Variants in SIPA1L2 observed in about 807,000 individuals in gnomAD.
SIPA1L2 encodes the protein signal-induced proliferation-associated 1-like protein 2.
In SIPA1L2, 56 loss-of-function variants were observed where a neutral mutation model predicts 163.9. That is an observed-to-expected ratio of 0.34 (90% CI 0.28 to 0.43). SIPA1L2 has a LOEUF of 0.43. Ranked by LOEUF, SIPA1L2 falls within the 20% of genes least tolerant of loss-of-function variation. The pLI is 1.00. For synonymous variants in SIPA1L2, 877 were observed against 865.7 expected (o/e 1.01, Z -0.23); for missense variants, 1,974 against 2,193.5 (o/e 0.90, Z 2.00).
chr1:232,541,086 G>A (rs1657630030), intron 2 of SIPA1L2, among the ~76,000 whole-genome samples: 1 of 152,044 alleles, frequency 6.6e-6, no homozygotes, highest in Admixed American at 6.5e-5. Flanking sequence ...CACACACTGG[G>A]GCCAATGAGA....
intron 2 of SIPA1L2, among the ~76,000 whole-genome samples, chr1:232,565,797 T>C (rs942041330): frequency 7.2e-5 from 11 of 152,190 alleles, no homozygotes; most frequent in African/African-American, 2.7e-4. Context: ...CCTTAAGGTA[T>C]GAAGGGGACA....
At chr1:232,619,813 G>A (rs1662702211) in intron 1 of SIPA1L2, among the ~76,000 whole-genome samples, 1 of 152,194 alleles carries the variant, frequency 6.6e-6, no homozygotes, top group Non-Finnish European at 1.5e-5. Flanking sequence ...GTTAGACAAG[G>A]CCATGGAAGA....
intron 7 of SIPA1L2, among the ~76,000 whole-genome samples, chr1:232,474,960 A>G (rs1012920877): frequency 6.6e-6 from 1 of 152,196 alleles, no homozygotes; most frequent in Non-Finnish European, 1.5e-5. Flanking sequence ...TTTGCACCCA[A>G]TGCTGGGGGA....
intron 16 of SIPA1L2, among the ~76,000 whole-genome samples, chr1:232,431,689 C>A (rs763640193): frequency 1.3e-5 from 2 of 151,018 alleles, no homozygotes; most frequent in Non-Finnish European, 2.9e-5. Flanking sequence ...TGTCTCTTCA[C>A]AGAGGCATCA....
chr1:232,594,691 A>G (rs1661157903), intron 1 of SIPA1L2, among the ~76,000 whole-genome samples: 1 of 151,844 alleles, frequency 6.6e-6, no homozygotes, highest in South Asian at 2.1e-4. Flanking sequence ...CCTTGTTCCC[A>G]CCAAAGTTTT....
intron 2 of SIPA1L2, among the ~76,000 whole-genome samples, chr1:232,561,752 G>T (rs920176728): frequency 1.3e-5 from 2 of 152,192 alleles, no homozygotes; most frequent in African/African-American, 4.8e-5. Context: ...GCTTTGATGG[G>T]AATGGTCTTG....
At chr1:232,434,565 T>G (rs1237889572) in intron 15 of SIPA1L2, among the ~76,000 whole-genome samples, 1 of 152,004 alleles carries the variant, frequency 6.6e-6, no homozygotes, top group Non-Finnish European at 1.5e-5. Context: ...ATGACCAAGG[T>G]GACCTGAGGA....
At chr1:232,431,574 G>C (rs1427280428) in intron 16 of SIPA1L2, among the ~76,000 whole-genome samples, 1 of 152,164 alleles carries the variant, frequency 6.6e-6, no homozygotes, top group Non-Finnish European at 1.5e-5. Context: ...ACACAGACCT[G>C]ATCATTTAGC....
At chr1:232,593,873 C>T (rs535253876) in intron 1 of SIPA1L2, among the ~76,000 whole-genome samples, 143 of 152,320 alleles carry the variant, frequency 9.4e-4, no homozygotes, top group Non-Finnish European at 1.9e-3. Flanking sequence ...CTTTATACTC[C>T]GTGGACATCC....
At chr1:232,426,630 A>C (rs1378336650) in intron 17 of SIPA1L2, among the ~76,000 whole-genome samples, 2 of 152,216 alleles carry the variant, frequency 1.3e-5, no homozygotes, top group Non-Finnish European at 2.9e-5. Context: ...ACTGTACTCC[A>C]GCCTGGGCAA....
At chr1:232,627,440 TA>T (rs1663136307) in intron 1 of SIPA1L2, among the ~76,000 whole-genome samples, 1 of 151,636 alleles carries the variant, frequency 6.6e-6, no homozygotes, top group African/African-American at 2.4e-5. Flanking sequence ...TTGCCTCAGG[TA>T]AAAAGATCCC....
intron 18 of SIPA1L2, 25 bp from the exon 19 acceptor site, chr1:232,415,650 T>G: frequency 6.2e-7 from 1 of 1,612,894 alleles, no homozygotes; most frequent in Non-Finnish European, 8.5e-7. Context: ...AACCAGAGAG[T>G]CAGTCATCAG....
At chr1:232,586,405 G>T (rs10797580) in intron 1 of SIPA1L2, among the ~76,000 whole-genome samples, 77,204 of 151,876 alleles carry the variant, frequency 0.51, 20,455 homozygotes, top group East Asian at 0.75. Context: ...TATTACCAGG[G>T]AGTCCTACTG....
At chr1:232,511,934 C>A (rs1408098202) in intron 3 of SIPA1L2, among the ~76,000 whole-genome samples, 1 of 152,150 alleles carries the variant, frequency 6.6e-6, no homozygotes, top group Non-Finnish European at 1.5e-5. Flanking sequence ...TCAGAGGCAA[C>A]AGGCAACCTA....
intron 2 of SIPA1L2, among the ~76,000 whole-genome samples, chr1:232,526,977 C>G (rs560305809): frequency 3.3e-5 from 5 of 152,174 alleles, no homozygotes; most frequent in African/African-American, 9.7e-5. Context: ...GGGGGCCTGA[C>G]AGAATAAAGA....
At chr1:232,594,351 G>A (rs1407661365) in intron 1 of SIPA1L2, among the ~76,000 whole-genome samples, 1 of 152,180 alleles carries the variant, frequency 6.6e-6, no homozygotes, top group Admixed American at 6.5e-5. Context: ...TGGTGCTAAG[G>A]AGAGAGTAAA....
chr1:232,422,265 T>C (rs1438245274), intron 18 of SIPA1L2, among the ~76,000 whole-genome samples: 4 of 152,204 alleles, frequency 2.6e-5, no homozygotes, highest in African/African-American at 9.6e-5. Flanking sequence ...GACATAAAGA[T>C]ACAGCACATT....
chr1:232,493,692 G>T, intron 3 of SIPA1L2, 32 bp from the exon 4 acceptor site: 7 of 1,609,726 alleles, frequency 4.3e-6, no homozygotes, highest in Non-Finnish European at 5.9e-6. Flanking sequence ...GGCATCAAAA[G>T]AATGAAAAAG....
Position 232,424,967 on chromosome 1 carries a change from C to T in SIPA1L2, c.4630+622G>A, listed in dbSNP as rs78478292. On this transcript the variant is annotated intron_variant, in intron 18 of 22. Transcript: ENST00000674635. ...TGACATTAATGAAGACTTGACACTA[C>T]ATAAAAATCAAAGATTTTTAGGATT... is the stretch of plus-strand genomic sequence containing the variant. 2.4e-4 allele frequency among the ~76,000 whole-genome samples: 36 copies of T among 152,280 alleles called. No individual in the cohort carries two copies. In the East Asian group the frequency reaches 6.8e-3, roughly 29 times the overall value.
Sources: allele counts gnomAD v4.1 joint callset (sites outside exome capture counted in the v4.1 genomes callset), GRCh38; gene constraint gnomAD v4.1.1; transcripts MANE v1.5; gene names NCBI Gene and HGNC (gene_info 2026-07-23, HGNC 2026-07-21).